AGPAT4: variants seen among roughly 807,000 people sequenced by gnomAD.
The protein encoded by AGPAT4 is 1-acylglycerol-3-phosphate O-acyltransferase 4.
AGPAT4 carries 15 observed loss-of-function variants against 48.0 expected under a neutral mutation model. That is an observed-to-expected ratio of 0.31 (90% CI 0.21 to 0.48). The LOEUF is 0.48. Ranked by LOEUF, AGPAT4 falls within the 20% of genes least tolerant of loss-of-function variation. AGPAT4 has a pLI of 0.99. For missense variants in AGPAT4, 314 were observed against 482.5 expected (o/e 0.65, Z 3.27); for synonymous variants, 178 against 198.7 (o/e 0.90, Z 0.88).
Position 161,130,726 on chromosome 6 carries a change from G to A in AGPAT4, c.*5814C>T, listed in dbSNP as rs535982547. 1.7e-4 allele frequency: 71 copies of A among 411,048 alleles called. No individual in the cohort carries two copies. Among genetic ancestry groups the A allele is most frequent in the Non-Finnish European group, 2.5e-4 (51 of 200,542 alleles). 25.5% of individuals were successfully genotyped at this position (411,048 alleles called of 1,614,324 possible). A position where few individuals can be genotyped will look rare whatever the true frequency, so the allele number is the denominator to read the frequency against. The stretch of plus-strand genomic sequence containing the variant: ...GCCTTGCTGTGTTTGCCTCAGATGC[G>A]AGTAAGGAAGCTCCAGTTGTAGCCT... On this transcript the variant is annotated 3_prime_UTR_variant, in exon 9 of 9. Coordinates refer to ENST00000320285, the MANE Select transcript of AGPAT4 (RefSeq NM_020133.3).
rs1217372861 is a variant in AGPAT4, at chr6:161,134,343, C to G, written c.*2197G>C. 6.6e-6 allele frequency: 1 copy of G among 152,084 alleles called. No individual in the cohort carries two copies. Among genetic ancestry groups the G allele is most frequent in the Non-Finnish European group, 1.5e-5 (1 of 68,034 alleles). 9.4% of individuals were successfully genotyped at this position (152,084 alleles called of 1,614,324 possible). ...ATTGAATGTCTGTGGGCCCCCGGAT[C>G]TATGTTTTTAGAACTTACTTAGATT... On this transcript the variant is annotated 3_prime_UTR_variant, in exon 9 of 9. Transcript: ENST00000320285.
rs1779303493 is a variant in AGPAT4 at position 161,143,013 on chromosome 6, C to T, written c.844-3393G>A. 6.6e-6 allele frequency among the ~76,000 whole-genome samples: 1 copy of T among 152,226 alleles called. No homozygotes were observed. The highest frequency in any genetic ancestry group is 6.5e-5 in the Admixed American group (1 of 15,290). On this transcript the variant is annotated intron_variant, in intron 7 of 8. Coordinates refer to ENST00000320285, the MANE Select transcript of AGPAT4 (RefSeq NM_020133.3). The surrounding 1 kb of genome is among the most constrained non-coding windows in gnomAD (Gnocchi z 4.7). ...CCATGCCTGCACCCTGAACTCTGCA[C>T]CCCACCCAGAGCTGCTCCCGACCTT...
rs565492660 is a variant in AGPAT4, at chr6:161,139,733, G to A, written c.844-113C>T. ...AGATACACAGGTGCCACCGGGGCTC[G>A]GCAGAACTGGGGTCTGCAGCTCCTT... On this transcript the variant is annotated intron_variant, in intron 7 of 8. Coordinates refer to ENST00000320285, the MANE Select transcript of AGPAT4 (RefSeq NM_020133.3). The surrounding 1 kb of genome is among the most constrained non-coding windows in gnomAD (Gnocchi z 9.1). 15 of 894,008 alleles carry A rather than the reference G, an allele frequency of 1.7e-5. No homozygotes were observed. The highest frequency in any genetic ancestry group is 7.7e-5 in the East Asian group (3 of 39,104). 55.4% of individuals were successfully genotyped at this position (894,008 alleles called of 1,614,324 possible).
intron 1 of AGPAT4, among the ~76,000 whole-genome samples, chr6:161,263,530 T>C (rs56765369): frequency 0.59 from 89,283 of 151,998 alleles, 27,767 homozygotes; most frequent in African/African-American, 0.8. Context: ...AGTTCAGCCA[T>C]TGGGGAAGAC....
At position 161,155,341 on chromosome 6, in the gene AGPAT4, C is replaced by T. The variant is rs1779741061; in HGVS notation, c.349-1031G>A. ...CCAAGATGCTCCTTGATCAGTGGGTCGATGACTGATCAATGGGATATCAGC... is the reference window on the plus strand; with the variant it reads ...CCAAGATGCTCCTTGATCAGTGGGTTGATGACTGATCAATGGGATATCAGC... On this transcript the variant is annotated intron_variant, in intron 3 of 8. Coordinates refer to ENST00000320285, the MANE Select transcript of AGPAT4 (RefSeq NM_020133.3). This position sits in a 1 kb window ranked among gnomAD's most constrained non-coding sequence, Gnocchi z 5.8. 6.6e-6 allele frequency among the ~76,000 whole-genome samples: 1 copy of T among 152,168 alleles called. No individual in the cohort carries two copies.
chr6:161,232,218 C>A lies in AGPAT4; in HGVS notation c.-5G>T. 6.2e-7 allele frequency: 1 copy of A among 1,612,496 alleles called. No individual in the cohort carries two copies. The highest frequency in any genetic ancestry group is 1.3e-5 in the African/African-American group (1 of 74,956). On this transcript the variant is annotated 5_prime_UTR_variant, in exon 2 of 9. Transcript: ENST00000320285. This position sits in a 1 kb window ranked among gnomAD's most constrained non-coding sequence, Gnocchi z 6.8. ...CAGCAGTCCCGCGAGGTCCATGATGCGTGGACGCTCTTATTCAGAAATAAA... is the reference window on the plus strand; with the variant it reads ...CAGCAGTCCCGCGAGGTCCATGATGAGTGGACGCTCTTATTCAGAAATAAA...
intron 3 of AGPAT4, among the ~76,000 whole-genome samples, chr6:161,157,191 A>G (rs1158709249): frequency 6.6e-6 from 1 of 152,206 alleles, no homozygotes; most frequent in African/African-American, 2.4e-5. Context: ...TAGATTTTCC[A>G]GTTTTTTATT....
In AGPAT4 at chr6:161,195,976, C is replaced by T. The variant is rs1211698651; in HGVS notation, c.179-29559G>A. 6.6e-6 allele frequency among the ~76,000 whole-genome samples: 1 copy of T among 152,218 alleles called. No homozygotes were observed. The highest frequency in any genetic ancestry group is 6.5e-5 in the Admixed American group (1 of 15,280). On this transcript the variant is annotated intron_variant, in intron 2 of 8. Coordinates refer to ENST00000320285, the MANE Select transcript of AGPAT4 (RefSeq NM_020133.3). The surrounding 1 kb of genome is among the most constrained non-coding windows in gnomAD (Gnocchi z 5.0). ...CTCTCCCCACCGTGTGCAGAGGCAG[C>T]TCACACCCACAAGGCTCTGTGATTC... is the stretch of plus-strand genomic sequence containing the variant.
Position 161,240,057 on chromosome 6 carries a change from GT to G in AGPAT4, c.-89-7756del, listed in dbSNP as rs1320287902. ...ATGGAAGACCCACCAAATGGAATAG[GT>G]GAAGTGTCACTAAAATAGGTTTGCA... On this transcript the variant is annotated intron_variant, in intron 1 of 8. Transcript: ENST00000320285. This position sits in a 1 kb window ranked among gnomAD's most constrained non-coding sequence, Gnocchi z 5.5. Among the ~76,000 whole-genome samples the G allele has an allele frequency of 3.9e-5, 6 of 152,008 alleles. No homozygotes were observed. The highest frequency in any genetic ancestry group is 1.4e-4 in the African/African-American group (6 of 41,380).
chr6:161,145,717 G>GA (rs2114957828), intron 7 of AGPAT4, among the ~76,000 whole-genome samples: 1 of 151,762 alleles, frequency 6.6e-6, no homozygotes, highest in Non-Finnish European at 1.5e-5. Flanking sequence ...GAGAAACAGA[G>GA]AAAAACAGAA....
At position 161,209,110 on chromosome 6, in the gene AGPAT4, T is replaced by C. The variant is rs1236625555; in HGVS notation, c.178+22926A>G. 2.6e-5 allele frequency among the ~76,000 whole-genome samples: 4 copies of C among 152,280 alleles called. No homozygotes were observed. In the East Asian group the frequency reaches 7.7e-4, roughly 29 times the overall value. ...AAACCTGGTGATAAGTGGGCAGACA[T>C]CACTTTGGTGCTAGAATGAGGCATT... On this transcript the variant is annotated intron_variant, in intron 2 of 8. Coordinates refer to ENST00000320285, the MANE Select transcript of AGPAT4 (RefSeq NM_020133.3).
Position 161,202,855 on chromosome 6 carries a change from A to C in AGPAT4, c.178+29181T>G, listed in dbSNP as rs992743128. 4.5e-4 allele frequency among the ~76,000 whole-genome samples: 68 copies of C among 152,288 alleles called. No individual in the cohort carries two copies. The highest frequency in any genetic ancestry group is 7.9e-4 in the Non-Finnish European group (54 of 68,016). ...CCAGCTAAGAAATGCTACTGCCTTG[A>C]AGCTGTCTGCCATGGGGAAGCCTGG... On this transcript the variant is annotated intron_variant, in intron 2 of 8. Coordinates refer to ENST00000320285, the MANE Select transcript of AGPAT4 (RefSeq NM_020133.3). This position sits in a 1 kb window ranked among gnomAD's most constrained non-coding sequence, Gnocchi z 5.4.
chr6:161,265,326 ACCG>A, intron 1 of AGPAT4, among the ~76,000 whole-genome samples: 2 of 97,804 alleles, frequency 2.0e-5, no homozygotes, highest in African/African-American at 8.8e-5. Context: ...ATTAGTACCC[ACCG>A]CTGGACTGGG....
In AGPAT4 at chr6:161,231,362, T is replaced by C. The variant is rs1398229552; in HGVS notation, c.178+674A>G. ...TGAAATAACCTAGCATAATCAAACA[T>C]ACACGGACACATACACACACACAAA... On this transcript the variant is annotated intron_variant, in intron 2 of 8. Transcript: ENST00000320285. This position sits in a 1 kb window ranked among gnomAD's most constrained non-coding sequence, Gnocchi z 5.3. Among the ~76,000 whole-genome samples, 1 of 151,938 alleles carries C rather than the reference T, an allele frequency of 6.6e-6. No individual in the cohort carries two copies. Among genetic ancestry groups the C allele is most frequent in the African/African-American group, 2.4e-5 (1 of 41,258 alleles).
In AGPAT4 at chr6:161,214,386, C is replaced by T. The variant is rs1045633067; in HGVS notation, c.178+17650G>A. ...CTCAAATTTTGGGGGTTTCAGAAGC[C>T]TGTTGCTCCTAGGCTGCTCACCTGT... On this transcript the variant is annotated intron_variant, in intron 2 of 8. Coordinates refer to ENST00000320285, the MANE Select transcript of AGPAT4 (RefSeq NM_020133.3). The surrounding 1 kb of genome is among the most constrained non-coding windows in gnomAD (Gnocchi z 5.4). Among the ~76,000 whole-genome samples the T allele has an allele frequency of 2.6e-5, 4 of 152,184 alleles. No individual in the cohort carries two copies. Among genetic ancestry groups the T allele is most frequent in the African/African-American group, 4.8e-5 (2 of 41,440 alleles).
Position 161,146,480 on chromosome 6 carries a change from C to T in AGPAT4, c.843+44G>A. The T allele has an allele frequency of 6.3e-7, 1 of 1,595,160 alleles. No homozygotes were observed. Among genetic ancestry groups the T allele is most frequent in the African/African-American group, 1.3e-5 (1 of 74,624 alleles). On this transcript the variant is annotated intron_variant, in intron 7 of 8. Transcript: ENST00000320285. The surrounding 1 kb of genome is among the most constrained non-coding windows in gnomAD (Gnocchi z 7.1). ...ACACAACACAGCCACACGGCGCACC[C>T]ACAGCTGCAACGTGAAGGGACCCCT...
rs771207802 is a variant in AGPAT4 at position 161,221,118 on chromosome 6, G to A, written c.178+10918C>T. Among the ~76,000 whole-genome samples the A allele has an allele frequency of 2.6e-5, 4 of 152,082 alleles. No individual in the cohort carries two copies. Among genetic ancestry groups the A allele is most frequent in the African/African-American group, 7.2e-5 (3 of 41,414 alleles). On this transcript the variant is annotated intron_variant, in intron 2 of 8. Transcript: ENST00000320285. The surrounding 1 kb of genome is among the most constrained non-coding windows in gnomAD (Gnocchi z 4.5). ...TATTTAAACAGATGACACAAACGCTGGATGAACATGGTGAGCAAGGAACAC... is the reference window on the plus strand; with the variant it reads ...TATTTAAACAGATGACACAAACGCTAGATGAACATGGTGAGCAAGGAACAC...
rs1011961519 is a variant in AGPAT4 at position 161,220,771 on chromosome 6, C to T, written c.178+11265G>A. Among the ~76,000 whole-genome samples the T allele has an allele frequency of 2.0e-5, 3 of 151,928 alleles. No homozygotes were observed. Among genetic ancestry groups the T allele is most frequent in the Non-Finnish European group, 4.4e-5 (3 of 67,976 alleles). On this transcript the variant is annotated intron_variant, in intron 2 of 8. Coordinates refer to ENST00000320285, the MANE Select transcript of AGPAT4 (RefSeq NM_020133.3). This position sits in a 1 kb window ranked among gnomAD's most constrained non-coding sequence, Gnocchi z 6.0. ...AAAGCCATTCTGAAGACTCGGACAG[C>T]GTAGATATATTTTATTTTATTTTTA...
chr6:161,143,819 T>A lies in AGPAT4; in HGVS notation c.843+2705A>T. 2 of 236,744 alleles carry A rather than the reference T, an allele frequency of 8.4e-6. No individual in the cohort carries two copies. Among genetic ancestry groups the A allele is most frequent in the South Asian group, 1.1e-4 (2 of 18,110 alleles). The allele number at this position is 236,744 out of a possible 1,614,324, so 14.7% of individuals were successfully genotyped here. A position where few individuals can be genotyped will look rare whatever the true frequency, so the allele number is the denominator to read the frequency against. The stretch of plus-strand genomic sequence containing the variant: ...TAGATGGCGAGTTTCTCTTTATTTA[T>A]GTCCATGCTTGGAAAGACCAGAATG... On this transcript the variant is annotated intron_variant, in intron 7 of 8. Coordinates refer to ENST00000320285, the MANE Select transcript of AGPAT4 (RefSeq NM_020133.3). This position sits in a 1 kb window ranked among gnomAD's most constrained non-coding sequence, Gnocchi z 4.7.
Sources: allele counts gnomAD v4.1 joint callset (sites outside exome capture counted in the v4.1 genomes callset), GRCh38; gene constraint gnomAD v4.1.1; non-coding constraint Gnocchi (gnomAD v3.1); transcripts MANE v1.5; gene names NCBI Gene and HGNC (gene_info 2026-07-23, HGNC 2026-07-21).